SMUG1: variants seen among roughly 807,000 people sequenced by gnomAD.
The protein encoded by SMUG1 is single-strand selective monofunctional uracil DNA glycosylase.
A neutral mutation model predicts 23.9 loss-of-function variants in SMUG1; 13 were observed. The observed-to-expected ratio is 0.54, with a 90% CI of 0.35 to 0.86. SMUG1 has a LOEUF of 0.86. Ranked by LOEUF, SMUG1 falls within the 40% of genes least tolerant of loss-of-function variation. SMUG1 has a pLI of 0.01. For synonymous variants in SMUG1, 133 were observed against 139.8 expected, an observed-to-expected ratio of 0.95 and a Z score of 0.34; for missense variants, 313 against 339.5, an observed-to-expected ratio of 0.92 and a Z score of 0.61.
chr12:54,188,324 A>C (rs1242375675), intron 1 of SMUG1, among the ~76,000 whole-genome samples: 1 of 88,448 alleles, frequency 1.1e-5, no homozygotes, highest in African/African-American at 3.6e-5. Context: ...AATAATAATA[A>C]TAATAATAAT....
intron 2 of SMUG1, chr12:54,172,697 G>GGTCT (rs1312456046): frequency 6.5e-6 from 1 of 153,776 alleles, no homozygotes. Context: ...CTCCCAAAAA[G>GGTCT]GAACCACTCC....
At chr12:54,160,675 C>T (rs1487564792), downstream of SMUG1, among the ~76,000 whole-genome samples, 1 of 152,220 alleles carries the variant, frequency 6.6e-6, no homozygotes, top group Non-Finnish European at 1.5e-5. Flanking sequence ...AACAGGTGGC[C>T]CTGGCCCCTG....
In SMUG1 at chr12:54,182,282, C is replaced by T. The variant is rs1324657445; in HGVS notation, c.627G>A (p.Leu209=). 1 of 1,612,192 alleles carries T rather than the reference C, an allele frequency of 6.2e-7. No homozygotes were observed. The highest frequency in any genetic ancestry group is 1.3e-5 in the African/African-American group (1 of 74,904). Reference sequence around the variant, plus strand: ...CTGCCAGTCGCCCAACTCCCACCACCAGCCGCACCCCCAGCAGCTGCACCT... The same window carrying T: ...CTGCCAGTCGCCCAACTCCCACCACTAGCCGCACCCCCAGCAGCTGCACCT... ...CRQVQLLGVR[L]VVGVGRLAEQ... The change falls in exon 4 of 4, where the codon CTG becomes CTA. Residue 209 remains leucine, a synonymous_variant. Transcript: ENST00000682136.
At chr12:54,183,207 C>T (rs1321561500) in intron 3 of SMUG1, 1 of 246,280 alleles carries the variant, frequency 4.1e-6, no homozygotes, top group Non-Finnish European at 7.7e-6. Flanking sequence ...GGCACTGGAG[C>T]CAGGCTCTGT....
Position 54,183,904 on chromosome 12 carries a change from G to A in SMUG1, c.37C>T (p.Pro13Ser), listed in dbSNP as rs1216648524. 9.4e-6 allele frequency: 15 copies of A among 1,599,490 alleles called. No individual in the cohort carries two copies. The highest frequency in any genetic ancestry group is 1.3e-5 in the Non-Finnish European group (15 of 1,172,918). The change falls in exon 3 of 4, where the codon CCT becomes TCT. Residue 13 changes from proline (P) to serine (S), a missense_variant. Coordinates refer to ENST00000682136, the MANE Select transcript of SMUG1 (RefSeq NM_001243787.2). ...QAFLLGSIHE[P>S]AGALMEPQPC... The stretch of plus-strand genomic sequence containing the variant: ...TGGGGCTCCATGAGGGCACCTGCAG[G>A]CTCATGGATGGACCCCAGCAGGAAA...
intron 2 of SMUG1, chr12:54,173,113 T>C (rs1164087863): frequency 1.3e-5 from 2 of 153,062 alleles, no homozygotes; most frequent in African/African-American, 4.8e-5. Flanking sequence ...GATACGGTGA[T>C]ACAGAGAGAA....
At chr12:54,158,427 G>T (rs1210186951) in intron 4 of SMUG1, among the ~76,000 whole-genome samples, 1 of 152,116 alleles carries the variant, frequency 6.6e-6, no homozygotes, top group African/African-American at 2.4e-5. Flanking sequence ...TAGGATCTCA[G>T]AATCAGAAGA....
chr12:54,177,074 T>G (rs1345172129), downstream of SMUG1, among the ~76,000 whole-genome samples: 1 of 152,160 alleles, frequency 6.6e-6, no homozygotes, highest in Non-Finnish European at 1.5e-5. Context: ...CAGACCAGAT[T>G]CATGCATTAC....
At chr12:54,185,985 A>C (rs906672385) in intron 2 of SMUG1, among the ~76,000 whole-genome samples, 2 of 152,026 alleles carry the variant, frequency 1.3e-5, no homozygotes, top group Non-Finnish European at 2.9e-5. Context: ...CCATTGCTTC[A>C]CTCCACTCCC....
chr12:54,165,111 C>G (rs968502731), intron 4 of SMUG1: 1 of 152,210 alleles, frequency 6.6e-6, no homozygotes, highest in African/African-American at 2.4e-5. Context: ...ATTCTCTCAT[C>G]TTCTCATGTC....
downstream of SMUG1, among the ~76,000 whole-genome samples, chr12:54,176,506 G>GC (rs1940753985): frequency 4.3e-5 from 2 of 46,974 alleles, no homozygotes; most frequent in African/African-American, 2.8e-4. Flanking sequence ...AGAAGATCCT[G>GC]TCCCCCCCCA....
chr12:54,171,321 T>C lies in SMUG1; in HGVS notation c.*52+704A>G, dbSNP rs563249780. Among the ~76,000 whole-genome samples the C allele has an allele frequency of 1.3e-4, 19 of 151,812 alleles. No homozygotes were observed. The South Asian group carries it at 3.6e-3, about 28-fold the overall frequency. ...GGCCACCTTCACTTTCTATCAGCTT[T>C]CACTCTTTAGGGGATCTCATCCAGT... On this transcript the variant is annotated intron_variant and NMD_transcript_variant, in intron 3 of 4. Coordinates refer to the SMUG1 transcript ENST00000509864.
intron 4 of SMUG1, chr12:54,165,373 C>G (rs1171150064): frequency 1.3e-5 from 2 of 152,190 alleles, no homozygotes; most frequent in African/African-American, 4.8e-5. Context: ...AGATGGCCTA[C>G]CGTATAAGAC....
downstream of SMUG1, among the ~76,000 whole-genome samples, chr12:54,164,091 T>A (rs1940359958): frequency 6.6e-6 from 1 of 151,634 alleles, no homozygotes; most frequent in Admixed American, 6.6e-5. Flanking sequence ...GACCCAGGAA[T>A]GCAAGAGCAA....
At chr12:54,175,830 T>C (rs187113221), downstream of SMUG1, among the ~76,000 whole-genome samples, 11 of 152,288 alleles carry the variant, frequency 7.2e-5, no homozygotes. Context: ...AATAAATGTT[T>C]ATTGAATTGA....
intron 3 of SMUG1, among the ~76,000 whole-genome samples, chr12:54,169,269 C>T (rs1208015433): frequency 1.3e-5 from 2 of 152,086 alleles, no homozygotes; most frequent in Non-Finnish European, 2.9e-5. Context: ...AGTTAGGGGG[C>T]TGTCATGGTC....
At chr12:54,186,830 A>T (rs144410394) in intron 2 of SMUG1, 1 of 152,360 alleles carries the variant, frequency 6.6e-6, no homozygotes, top group African/African-American at 2.4e-5. Flanking sequence ...GGCCCTTATT[A>T]GGTACTCAAC....
chr12:54,165,766 T>A (rs1020082064), intron 3 of SMUG1, among the ~76,000 whole-genome samples: 1 of 152,154 alleles, frequency 6.6e-6, no homozygotes, highest in African/African-American at 2.4e-5. Context: ...GTGAGGATTT[T>A]AAAATGTCCT....
intron 4 of SMUG1, among the ~76,000 whole-genome samples, chr12:54,158,319 C>T (rs1435550448): frequency 6.6e-6 from 1 of 152,226 alleles, no homozygotes; most frequent in Admixed American, 6.5e-5. Context: ...GAGAAGGGGG[C>T]TGGCAGCCAA....
Sources: allele counts gnomAD v4.1 joint callset (sites outside exome capture counted in the v4.1 genomes callset), GRCh38; gene constraint gnomAD v4.1.1; transcripts MANE v1.5; gene names NCBI Gene and HGNC (gene_info 2026-07-23, HGNC 2026-07-21).